The following POFUT3 variants were observed in gnomAD, a reference collection of about 807,000 sequenced individuals.
The protein encoded by POFUT3 is GDP-fucose protein O-fucosyltransferase 3.
the POFUT3 span, among the ~76,000 whole-genome samples, chr8:33,311,558 T>C: frequency 6.6e-6 from 1 of 152,176 alleles, no homozygotes; most frequent in South Asian, 2.1e-4. Flanking sequence ...CCTCACTATA[T>C]AAAGACTGAA....
chr8:33,390,171 C>T, the POFUT3 span, among the ~76,000 whole-genome samples: 2 of 151,868 alleles, frequency 1.3e-5, no homozygotes, highest in Admixed American at 6.6e-5. Context: ...CAGAGCAAGA[C>T]TCTGTCTCAA....
the POFUT3 span, among the ~76,000 whole-genome samples, chr8:33,318,812 A>T: frequency 4.4e-5 from 2 of 45,216 alleles, no homozygotes; most frequent in Non-Finnish European, 6.1e-5. Context: ...TTTTATATAT[A>T]TTATATATAT....
the POFUT3 span, among the ~76,000 whole-genome samples, chr8:33,358,919 T>C: frequency 5.9e-5 from 9 of 152,132 alleles, no homozygotes; most frequent in Non-Finnish European, 1.5e-5. Flanking sequence ...GGGTTGTTTA[T>C]GAACCAGGAA....
the POFUT3 span, among the ~76,000 whole-genome samples, chr8:33,450,285 G>C: frequency 6.6e-6 from 1 of 152,166 alleles, no homozygotes; most frequent in Non-Finnish European, 1.5e-5. Flanking sequence ...GCTCTCTCCT[G>C]TCTTTGAAAC....
the POFUT3 span, among the ~76,000 whole-genome samples, chr8:33,444,842 T>C: frequency 1.3e-5 from 2 of 151,906 alleles, no homozygotes; most frequent in African/African-American, 4.8e-5. Context: ...ATTACTATTA[T>C]TTATTTAAAT....
At chr8:33,339,602 G>A in the POFUT3 span, among the ~76,000 whole-genome samples, 1 of 152,032 alleles carries the variant, frequency 6.6e-6, no homozygotes, top group Non-Finnish European at 1.5e-5. Context: ...TAAACCGAGA[G>A]AAATCCACAT....
chr8:33,328,246 T>G, the POFUT3 span, among the ~76,000 whole-genome samples: 2 of 152,134 alleles, frequency 1.3e-5, no homozygotes, highest in Non-Finnish European at 2.9e-5. Context: ...TCAGGGTCAA[T>G]AAAAGATTTT....
At chr8:33,414,904 C>A in the POFUT3 span, among the ~76,000 whole-genome samples, 5 of 151,102 alleles carry the variant, frequency 3.3e-5, no homozygotes, top group African/African-American at 1.2e-4. Flanking sequence ...CTTCAATATG[C>A]GAGCTAAATG....
chr8:33,472,018 C>G, the POFUT3 span, among the ~76,000 whole-genome samples: 1 of 152,270 alleles, frequency 6.6e-6, no homozygotes, highest in Non-Finnish European at 1.5e-5. Context: ...AGAAAGGCCT[C>G]CATTTGAGAC....
At chr8:33,393,842 T>C in the POFUT3 span, among the ~76,000 whole-genome samples, 1 of 152,220 alleles carries the variant, frequency 6.6e-6, no homozygotes, top group Non-Finnish European at 1.5e-5. Context: ...AAGCCCAGCC[T>C]GCCTTAATTT....
chr8:33,419,403 G>C, the POFUT3 span, among the ~76,000 whole-genome samples: 6 of 152,218 alleles, frequency 3.9e-5, no homozygotes, highest in Non-Finnish European at 7.3e-5. Flanking sequence ...GCATTAGATA[G>C]ATACTCACAA....
chr8:33,439,247 C>T, the POFUT3 span, among the ~76,000 whole-genome samples: 10 of 151,658 alleles, frequency 6.6e-5, no homozygotes, highest in Admixed American at 3.3e-4. Flanking sequence ...TCTACTAATA[C>T]AAAAAATTAG....
the POFUT3 span, among the ~76,000 whole-genome samples, chr8:33,445,517 AG>A: frequency 6.6e-6 from 1 of 152,182 alleles, no homozygotes; most frequent in African/African-American, 2.4e-5. Context: ...CAAGATGACC[AG>A]GGGTGGCGGT....
At chr8:33,388,393 G>A in the POFUT3 span, among the ~76,000 whole-genome samples, 23 of 124,134 alleles carry the variant, frequency 1.9e-4, no homozygotes, top group South Asian at 5.5e-3. Context: ...CTGTAGTATT[G>A]TGGCATGATC....
chr8:33,309,062 G>A, the POFUT3 span, among the ~76,000 whole-genome samples: 1 of 145,340 alleles, frequency 6.9e-6, no homozygotes, highest in Non-Finnish European at 1.5e-5. Context: ...ATAGTCTGGT[G>A]AGTGTAGTGT....
At chr8:33,449,545 C>CT in the POFUT3 span, among the ~76,000 whole-genome samples, 9 of 152,012 alleles carry the variant, frequency 5.9e-5, no homozygotes, top group Non-Finnish European at 1.3e-4. Context: ...CCACCCCAGC[C>CT]TTGCAAAGTG....
At chr8:33,408,575 C>G in the POFUT3 span, among the ~76,000 whole-genome samples, 2 of 152,078 alleles carry the variant, frequency 1.3e-5, no homozygotes, top group African/African-American at 4.8e-5. Flanking sequence ...TGATGCTCAG[C>G]CTGGTCTTAT....
the POFUT3 span, chr8:33,451,776 G>A: frequency 5.3e-5 from 8 of 152,202 alleles, no homozygotes; most frequent in East Asian, 7.7e-4. Context: ...TGCTTGGGAG[G>A]CCTCAGGAAA....
At chr8:33,461,585 G>A in the POFUT3 span, 3 of 1,544,254 alleles carry the variant, frequency 1.9e-6, no homozygotes, top group Non-Finnish European at 1.7e-6. Flanking sequence ...ATTCCTGCTG[G>A]GACCAGGTCT....
Sources: allele counts gnomAD v4.1 joint callset (sites outside exome capture counted in the v4.1 genomes callset), GRCh38; gene constraint gnomAD v4.1.1; transcripts MANE v1.5; gene names NCBI Gene and HGNC (gene_info 2026-07-23, HGNC 2026-07-21).